BCOR: variants seen among roughly 807,000 people sequenced by gnomAD.
The protein encoded by BCOR is BCL-6 corepressor.
Under a neutral mutation model 86.7 loss-of-function variants are expected in BCOR, and 10 were observed. The ratio of observed to expected loss-of-function variants is 0.12; its 90% CI spans 0.07 to 0.20. The LOEUF is 0.20. BCOR is among the 10% of genes least tolerant of loss of function. The probability of loss-of-function intolerance (pLI) is 1.00; values close to 1 mark genes in which losing one functional copy is unlikely to be tolerated. For synonymous variants in BCOR, 611 were observed against 609.0 expected (o/e 1.00, Z -0.05); for missense variants, 1,259 against 1,452.1 (o/e 0.87, Z 2.16).
chrX:40,171,862 TC>T (rs1938628619), intron 1 of BCOR, among the ~76,000 whole-genome samples: 1 of 113,061 alleles, frequency 8.8e-6, no homozygotes, highest in South Asian at 3.5e-4. Flanking sequence ...GTTTCAAGGT[TC>T]CGGGAAAGGC....
At chrX:40,094,101 C>T (rs1302282386) in intron 1 of BCOR, among the ~76,000 whole-genome samples, 1 of 111,264 alleles carries the variant, frequency 9.0e-6, no homozygotes, top group African/African-American at 3.3e-5. Flanking sequence ...AGGCTCTTTG[C>T]CCCCCTTTCC....
chrX:40,170,471 C>CA (rs1938597419), intron 1 of BCOR, among the ~76,000 whole-genome samples: 1 of 110,278 alleles, frequency 9.1e-6, no homozygotes, highest in African/African-American at 3.3e-5. Context: ...CCTCAGCCTC[C>CA]CCAGTAGCTG....
chrX:40,177,269 G>C (rs1243302536), exon 1 of BCOR: 2 of 111,908 alleles, frequency 1.8e-5, no homozygotes, highest in East Asian at 2.8e-4. Context: ...ATGCAGCCTT[G>C]TCTAGTGTGA....
At chrX:40,142,568 A>G (rs1937944569) in intron 1 of BCOR, among the ~76,000 whole-genome samples, 1 of 111,477 alleles carries the variant, frequency 9.0e-6, no homozygotes, top group South Asian at 3.8e-4. Context: ...CCCCACGGCC[A>G]TTTATACAGC....
At chrX:40,152,525 G>A (rs777269420) in intron 1 of BCOR, among the ~76,000 whole-genome samples, 75 of 113,227 alleles carry the variant, frequency 6.6e-4, no homozygotes, top group Middle Eastern at 4.6e-3. Flanking sequence ...AGCAGCACAG[G>A]CACACTGTAA....
At chrX:40,172,167 C>A (rs1317027613) in intron 1 of BCOR, among the ~76,000 whole-genome samples, 3 of 112,868 alleles carry the variant, frequency 2.7e-5, no homozygotes, top group African/African-American at 9.6e-5. Flanking sequence ...CAATGCAAGA[C>A]GAGCAGGGTA....
chrX:40,174,441 C>G (rs1207720019), intron 1 of BCOR, among the ~76,000 whole-genome samples: 1 of 112,692 alleles, frequency 8.9e-6, no homozygotes, highest in Non-Finnish European at 1.9e-5. Flanking sequence ...CACATTTCCC[C>G]TCCTCCGAGG....
intron 1 of BCOR, among the ~76,000 whole-genome samples, chrX:40,125,963 G>C (rs886342737): frequency 1.7e-4 from 19 of 111,105 alleles, no homozygotes; most frequent in African/African-American, 6.2e-4. Context: ...TGTAATCCCA[G>C]CACTTTGGGA....
chrX:40,138,982 A>C (rs889750147), intron 1 of BCOR, among the ~76,000 whole-genome samples: 4 of 110,616 alleles, frequency 3.6e-5, no homozygotes, highest in African/African-American at 1.3e-4. Flanking sequence ...CTCAGGTCAC[A>C]CAGCTGGTCA....
intron 1 of BCOR, among the ~76,000 whole-genome samples, chrX:40,140,767 C>A (rs1216693886): frequency 8.8e-6 from 1 of 113,125 alleles, no homozygotes; most frequent in Non-Finnish European, 1.9e-5. Context: ...CCATGTGGTC[C>A]AATATCCTTC....
intron 8 of BCOR, 123 bp downstream of exon 8, chrX:40,063,485 A>T: frequency 1.7e-6 from 1 of 576,798 alleles, no homozygotes; most frequent in Non-Finnish European, 2.8e-6. Context: ...CCTGCCTGCC[A>T]CATCTTCGTT....
intron 1 of BCOR, among the ~76,000 whole-genome samples, chrX:40,122,704 A>G (rs983790091): frequency 1.8e-5 from 2 of 111,915 alleles, no homozygotes; most frequent in African/African-American, 6.5e-5. Flanking sequence ...GCTTGTGGTC[A>G]GGCCTGTGAC....
chrX:40,076,243 G>A (rs1261068783), intron 3 of BCOR, among the ~76,000 whole-genome samples: 1 of 111,854 alleles, frequency 8.9e-6, no homozygotes, highest in African/African-American at 3.3e-5. Context: ...CAGTCACTAG[G>A]GGACAGGGAC....
chrX:40,148,019 G>A (rs371297050), intron 1 of BCOR, among the ~76,000 whole-genome samples: 5 of 112,221 alleles, frequency 4.5e-5, no homozygotes, highest in Admixed American at 9.4e-5. Context: ...GCGTCTACAA[G>A]GCCATCAGAG....
At chrX:40,118,204 C>T (rs1438500816) in intron 1 of BCOR, among the ~76,000 whole-genome samples, 1 of 110,244 alleles carries the variant, frequency 9.1e-6, no homozygotes, top group East Asian at 2.9e-4. Context: ...GTCCTCCCCT[C>T]AGGTGTGAGC....
Position 40,096,235 on chromosome X carries a change from G to A in BCOR, c.-41+980C>T, listed in dbSNP as rs1371195271. 3.6e-5 allele frequency among the ~76,000 whole-genome samples: 4 copies of A among 111,858 alleles called. No individual in the cohort carries two copies. The Admixed American group carries it at 3.7e-4, about 10-fold the overall frequency. The stretch of plus-strand genomic sequence containing the variant: ...GCCGCAGACTTTCACACGCCCATCA[G>A]GGCTACCCACCAGACTCCCCATTGC... On this transcript the variant is annotated intron_variant, in intron 1 of 14. Transcript: ENST00000378444.
chrX:40,112,786 C>T (rs1055945160), intron 1 of BCOR, among the ~76,000 whole-genome samples: 7 of 111,325 alleles, frequency 6.3e-5, no homozygotes, highest in African/African-American at 2.3e-4. Context: ...GGCCTTGTAG[C>T]GGGTGCTAGG....
chrX:40,146,982 C>A (rs1273043923), intron 1 of BCOR, among the ~76,000 whole-genome samples: 1 of 112,054 alleles, frequency 8.9e-6, no homozygotes, highest in Admixed American at 9.3e-5. Context: ...GGCGTGCGGG[C>A]CCGGGAGGAG....
chrX:40,115,901 C>T (rs980415002), intron 1 of BCOR, among the ~76,000 whole-genome samples: 1 of 111,523 alleles, frequency 9.0e-6, no homozygotes, highest in Non-Finnish European at 1.9e-5. Context: ...CAATGTCTGG[C>T]GAGATTATAA....
Sources: allele counts gnomAD v4.1 joint callset (sites outside exome capture counted in the v4.1 genomes callset), GRCh38; gene constraint gnomAD v4.1.1; transcripts MANE v1.5; gene names NCBI Gene and HGNC (gene_info 2026-07-23, HGNC 2026-07-21).